The following AMER1 variants were observed in gnomAD, a reference collection of about 807,000 sequenced individuals.
AMER1 encodes the protein APC membrane recruitment protein 1.
A neutral mutation model predicts 53.0 loss-of-function variants in AMER1; 16 were observed. The ratio of observed to expected loss-of-function variants is 0.30; its 90% CI spans 0.20 to 0.46. AMER1 has a LOEUF of 0.46. Among genes scored for constraint, AMER1 ranks in the 20% least tolerant of loss-of-function variants. The pLI, the probability that AMER1 is intolerant of heterozygous loss-of-function variation, is 1.00. For synonymous variants in AMER1, 354 were observed against 331.9 expected, an observed-to-expected ratio of 1.07 and a Z score of -0.73; for missense variants, 947 against 884.9, an observed-to-expected ratio of 1.07 and a Z score of -0.89.
intron 1 of AMER1, among the ~76,000 whole-genome samples, chrX:64,201,448 AACACAC>A (rs532857666): frequency 4.8e-4 from 40 of 83,127 alleles, no homozygotes; most frequent in South Asian, 1.2e-3. Flanking sequence ...TCCTTCCCCC[AACACAC>A]ACACACACAC....
Position 64,186,375 on chromosome X carries a change from T to A in AMER1, c.*3504A>T. On this transcript the variant is annotated 3_prime_UTR_variant, in exon 2 of 2. Transcript: ENST00000374869. ...TCAGAAAAGAACAATTGATAAACAT[T>A]GTTTTCCATGAATATAAAATGCAAA... 4.5e-6 allele frequency: 4 copies of A among 894,664 alleles called. No individual in the cohort carries two copies. In the Admixed American group the frequency reaches 1.6e-4, roughly 37 times the overall value. 73.7% of individuals were successfully genotyped at this position (894,664 alleles called of 1,213,427 possible).
Position 64,188,183 on chromosome X carries a change from C to A in AMER1, c.*1696G>T. 1 of 805,397 alleles carries A rather than the reference C, an allele frequency of 1.2e-6. No homozygotes were observed. Among genetic ancestry groups the A allele is most frequent in the South Asian group, 6.6e-5 (1 of 15,222 alleles). The allele number at this position is 805,397 out of a possible 1,213,427, so 66.4% of individuals were successfully genotyped here. On this transcript the variant is annotated 3_prime_UTR_variant, in exon 2 of 2. Coordinates refer to ENST00000374869, the MANE Select transcript of AMER1 (RefSeq NM_152424.4). ...TGCCATATCTCAGGAATGGCAAGAA[C>A]CCTGTTGACTTCTTCTCTCAACAGG...
Position 64,187,869 on chromosome X carries a change from TCCA to T in AMER1, c.*2007_*2009del. 1.3e-6 allele frequency: 1 copy of T among 777,238 alleles called. No homozygotes were observed. The highest frequency in any genetic ancestry group is 1.5e-6 in the Non-Finnish European group (1 of 652,813). 64.1% of individuals were successfully genotyped at this position (777,238 alleles called of 1,213,427 possible). A position where few individuals can be genotyped will look rare whatever the true frequency, so the allele number is the denominator to read the frequency against. The stretch of plus-strand genomic sequence containing the variant: ...TCCTCACCCTCTTTCATTCTCCAGC[TCCA>T]CAACAGATACATTTCTTCACAATGT... On this transcript the variant is annotated 3_prime_UTR_variant, in exon 2 of 2. Coordinates refer to ENST00000374869, the MANE Select transcript of AMER1 (RefSeq NM_152424.4).
At position 64,189,220 on chromosome X, in the gene AMER1, A is replaced by C. The variant is rs2053992881; in HGVS notation, c.*659T>G. 19 of 798,220 alleles carry C rather than the reference A, an allele frequency of 2.4e-5. No homozygotes were observed. The highest frequency in any genetic ancestry group is 2.7e-5 in the Non-Finnish European group (18 of 666,227). 65.8% of individuals were successfully genotyped at this position (798,220 alleles called of 1,213,427 possible). A position where few individuals can be genotyped will look rare whatever the true frequency, so the allele number is the denominator to read the frequency against. On this transcript the variant is annotated 3_prime_UTR_variant, in exon 2 of 2. Transcript: ENST00000374869. ...CTCTAAGGACAGCTAGCTGGGATGA[A>C]TAGCTTATAGTCATCTGATATAATG... is the stretch of plus-strand genomic sequence containing the variant.
chrX:64,199,381 C>A (rs1456519044), intron 1 of AMER1, among the ~76,000 whole-genome samples: 2 of 112,138 alleles, frequency 1.8e-5, no homozygotes, highest in Non-Finnish European at 3.8e-5. Context: ...CCTGAAGTTT[C>A]TTGGTGCGGA....
rs1243641049 is a variant in AMER1, at chrX:64,201,490, CAA to C, written c.-99+4078_-99+4079del. Among the ~76,000 whole-genome samples the C allele has an allele frequency of 6.5e-5, 7 of 107,441 alleles. No homozygotes were observed. The Admixed American group carries it at 7.1e-4, about 11-fold the overall frequency. The allele number at this position is 107,441 out of a possible 115,157, so 93.3% of individuals were successfully genotyped here. ...ACACACACACACACACACACACACACAAGGTTTAACTATAGCATGACAGGCTC... is the reference window on the plus strand; with the variant it reads ...ACACACACACACACACACACACACACGGTTTAACTATAGCATGACAGGCTC... On this transcript the variant is annotated intron_variant, in intron 1 of 1. Coordinates refer to ENST00000374869, the MANE Select transcript of AMER1 (RefSeq NM_152424.4).
rs1131691649 is a variant in AMER1, at chrX:64,192,581, CA to C, written c.705del (p.Pro237GlnfsTer45). 1 of 1,193,725 alleles carries C rather than the reference CA, an allele frequency of 8.4e-7. No homozygotes were observed. ...RKENANPQDAPGPKVSPTPEP... is the reference protein window; with the variant it reads ...RKENANPQDAXGPKVSPTPEP... The stretch of plus-strand genomic sequence containing the variant: ...TCTGGTGTTGGAGAAACTTTTGGCC[CA>C]GGGGCATCTTGGGGGTTAGCATTTT... On this transcript the variant is annotated frameshift_variant, in exon 2 of 2. Coordinates refer to ENST00000374869, the MANE Select transcript of AMER1 (RefSeq NM_152424.4). LOFTEE classifies it high-confidence loss of function.
Position 64,189,921 on chromosome X carries a change from G to A in AMER1, c.3366C>T (p.Thr1122=), listed in dbSNP as rs1930203909. 1 of 1,206,765 alleles carries A rather than the reference G, an allele frequency of 8.3e-7. No individual in the cohort carries two copies. The highest frequency in any genetic ancestry group is 1.1e-6 in the Non-Finnish European group (1 of 893,655). Residue 1122 remains threonine (T), a synonymous_variant, in exon 2 of 2, where the codon ACC becomes ACT. Transcript: ENST00000374869. ...CATTCATGGCAGTGGAGGAGTAGCTGGTGGCAAGAGAGGCACCTTGCTCAG... is the reference window on the plus strand; with the variant it reads ...CATTCATGGCAGTGGAGGAGTAGCTAGTGGCAAGAGAGGCACCTTGCTCAG... The part of the protein sequence containing the change: ...ERAEQGASLA[T]SYSSTAMNGN...
Position 64,188,440 on chromosome X carries a change from A to G in AMER1, c.*1439T>C. On this transcript the variant is annotated 3_prime_UTR_variant, in exon 2 of 2. Transcript: ENST00000374869. ...CAACCTAGTTTAACATGAAAACTGCATGGATGCAGGAGAAGGGAGGGTGCC... is the reference window on the plus strand; with the variant it reads ...CAACCTAGTTTAACATGAAAACTGCGTGGATGCAGGAGAAGGGAGGGTGCC... 1 of 804,847 alleles carries G rather than the reference A, an allele frequency of 1.2e-6. No homozygotes were observed. 66.3% of individuals were successfully genotyped at this position (804,847 alleles called of 1,213,427 possible). A position where few individuals can be genotyped will look rare whatever the true frequency, so the allele number is the denominator to read the frequency against.
At chrX:64,197,384 A>T (rs7889541) in intron 1 of AMER1, among the ~76,000 whole-genome samples, 16,188 of 112,261 alleles carry the variant, frequency 0.14, 2,723 homozygotes, top group African/African-American at 0.49. Context: ...GCTACAAAGG[A>T]AGAGCTTCTT....
chrX:64,187,984 G>A lies in AMER1; in HGVS notation c.*1895C>T. 1.3e-6 allele frequency: 1 copy of A among 781,287 alleles called. No homozygotes were observed. The highest frequency in any genetic ancestry group is 6.6e-5 in the South Asian group (1 of 15,060). 64.4% of individuals were successfully genotyped at this position (781,287 alleles called of 1,213,427 possible). A position where few individuals can be genotyped will look rare whatever the true frequency, so the allele number is the denominator to read the frequency against. On this transcript the variant is annotated 3_prime_UTR_variant, in exon 2 of 2. Transcript: ENST00000374869. The stretch of plus-strand genomic sequence containing the variant: ...CATGCAAATTCATGTGGTGCTTCCA[G>A]GGGTGCAGCTTCTACCAGCCAGGTC...
intron 1 of AMER1, among the ~76,000 whole-genome samples, chrX:64,200,416 T>C (rs1930462493): frequency 8.9e-6 from 1 of 111,960 alleles, no homozygotes; most frequent in South Asian, 3.7e-4. Context: ...AGAAACCAAG[T>C]GAGGAAACTG....
Position 64,192,098 on chromosome X carries a change from C to T in AMER1, c.1189G>A (p.Val397Ile), listed in dbSNP as rs760770029. Reference sequence around the variant, plus strand: ...TCATCATCTTCTTCCTCCTCCTTAACCTCCTCTTCTTCCTCCTCTAATTCC... The same window carrying T: ...TCATCATCTTCTTCCTCCTCCTTAATCTCCTCTTCTTCCTCCTCTAATTCC... Reference protein sequence around the residue: ...EVELEEEEEEVKEEEEDDDLE... With the variant: ...EVELEEEEEEIKEEEEDDDLE... The change falls in exon 2 of 2, where the codon GTT becomes ATT. Residue 397 changes from valine (V) to isoleucine (I), a missense_variant. Physicochemically the swap from Val to Ile is conservative, Grantham distance 29. Coordinates refer to ENST00000374869, the MANE Select transcript of AMER1 (RefSeq NM_152424.4). 8.3e-7 allele frequency: 1 copy of T among 1,211,181 alleles called. No individual in the cohort carries two copies. Among genetic ancestry groups the T allele is most frequent in the East Asian group, 3.0e-5 (1 of 33,834 alleles).
Position 64,191,578 on chromosome X carries a change from TACA to T in AMER1, c.1706_1708del (p.Leu569del). ...AAGCTGCTCCCGCCGAAGCTCCCAA[TACA>T]ACAACTGTTTCTGGATGGTCACTAG... On this transcript the variant is annotated inframe_deletion, in exon 2 of 2. Transcript: ENST00000374869. The T allele has an allele frequency of 1.6e-6, 2 of 1,212,226 alleles. No homozygotes were observed. The highest frequency in any genetic ancestry group is 2.2e-6 in the Non-Finnish European group (2 of 895,599).
chrX:64,193,371 C>T lies in AMER1; in HGVS notation c.-85G>A, dbSNP rs2147091710. On this transcript the variant is annotated 5_prime_UTR_variant, in exon 2 of 2. An upstream start codon of the reference 5' UTR is lost. Coordinates refer to ENST00000374869, the MANE Select transcript of AMER1 (RefSeq NM_152424.4). ...TGTTATAACATTATCAGTCAGGAAG[C>T]ATCACAGTGGGGTCTGGAGGAGATA... 3 of 1,176,693 alleles carry T rather than the reference C, an allele frequency of 2.5e-6. No individual in the cohort carries two copies. The highest frequency in any genetic ancestry group is 3.5e-6 in the Non-Finnish European group (3 of 868,524).
chrX:64,199,769 C>T (rs1255014565), intron 1 of AMER1, among the ~76,000 whole-genome samples: 1 of 111,940 alleles, frequency 8.9e-6, no homozygotes, highest in Non-Finnish European at 1.9e-5. Context: ...CATTTTCTTA[C>T]AACTCCTGTT....
Position 64,186,625 on chromosome X carries a change from G to A in AMER1, c.*3254C>T. On this transcript the variant is annotated 3_prime_UTR_variant, in exon 2 of 2. Transcript: ENST00000374869. Reference sequence around the variant, plus strand: ...AGGGTACACACCCAGCCTCCTGAGTGTGTGAAGCTACTTCCCTTCTTGGCA... The same window carrying A: ...AGGGTACACACCCAGCCTCCTGAGTATGTGAAGCTACTTCCCTTCTTGGCA... 1 of 773,813 alleles carries A rather than the reference G, an allele frequency of 1.3e-6. No homozygotes were observed. The highest frequency in any genetic ancestry group is 1.5e-6 in the Non-Finnish European group (1 of 650,877). 63.8% of individuals were successfully genotyped at this position (773,813 alleles called of 1,213,427 possible). A position where few individuals can be genotyped will look rare whatever the true frequency, so the allele number is the denominator to read the frequency against.
In AMER1 at chrX:64,191,819, C is replaced by G. The variant is rs1464297548; in HGVS notation, c.1468G>C (p.Val490Leu). 3.0e-5 allele frequency: 36 copies of G among 1,209,868 alleles called. No homozygotes were observed. Among genetic ancestry groups the G allele is most frequent in the Non-Finnish European group, 4.0e-5 (36 of 895,182 alleles). Reference protein sequence around the residue: ...EDDSGEALGLVRRDCLPRDSY... With the variant: ...EDDSGEALGLLRRDCLPRDSY... Reference sequence around the variant, plus strand: ...TCTCGGGGTAGACAATCCCTGCGGACAAGCCCCAGGGCCTCACCTGAATCA... The same window carrying G: ...TCTCGGGGTAGACAATCCCTGCGGAGAAGCCCCAGGGCCTCACCTGAATCA... The change falls in exon 2 of 2, where the codon GTC becomes CTC. Residue 490 changes from valine to leucine, a missense_variant. Physicochemically the swap from Val to Leu is conservative, Grantham distance 32. Coordinates refer to ENST00000374869, the MANE Select transcript of AMER1 (RefSeq NM_152424.4).
At position 64,193,340 on chromosome X, in the gene AMER1, A is replaced by C; in HGVS notation, c.-54T>G. ...GCTGGAAATGCAGCCTCAGGCTTCC[A>C]GGCACTGTTATAACATTATCAGTCA... is the stretch of plus-strand genomic sequence containing the variant. On this transcript the variant is annotated 5_prime_UTR_variant, in exon 2 of 2. Transcript: ENST00000374869. 8.3e-7 allele frequency: 1 copy of C among 1,208,683 alleles called. No individual in the cohort carries two copies. Among genetic ancestry groups the C allele is most frequent in the Non-Finnish European group, 1.1e-6 (1 of 894,097 alleles).
Sources: gnomAD v4.1 joint callset for allele counts (sites outside exome capture counted in the v4.1 genomes callset) on GRCh38, gnomAD v4.1.1 for gene constraint, MANE v1.5 for transcripts, NCBI Gene and HGNC (gene_info 2026-07-23, HGNC 2026-07-21) for gene names.